The following KLHL7 variants were observed in gnomAD, a reference collection of about 807,000 sequenced individuals.
KLHL7 encodes kelch-like protein 7.
Under a neutral mutation model 67.4 loss-of-function variants are expected in KLHL7, and 44 were observed. That is an observed-to-expected ratio of 0.65 (90% CI 0.51 to 0.84). The LOEUF (loss-of-function observed/expected upper bound fraction) is 0.84. Among genes scored for constraint, KLHL7 ranks in the 40% least tolerant of loss-of-function variants. The probability of loss-of-function intolerance (pLI) is 0.00; values close to 1 mark genes in which losing one functional copy is unlikely to be tolerated. For synonymous variants in KLHL7, 252 were observed against 243.3 expected (o/e 1.04, Z -0.33); for missense variants, 362 against 718.1 (o/e 0.50, Z 5.67).
At chr7:23,133,112 T>G (rs1221989252) in intron 4 of KLHL7, among the ~76,000 whole-genome samples, 1 of 152,178 alleles carries the variant, frequency 6.6e-6, no homozygotes, top group African/African-American at 2.4e-5. Flanking sequence ...TAGGGTAGCT[T>G]TGGCTATTCT....
chr7:23,119,499 C>T (rs1380820122), intron 1 of KLHL7, among the ~76,000 whole-genome samples: 1 of 152,150 alleles, frequency 6.6e-6, no homozygotes, highest in African/African-American at 2.4e-5. Flanking sequence ...TGTGCCCAGC[C>T]CCCAATATTG....
chr7:23,139,016 G>C (rs1267009622), intron 4 of KLHL7, among the ~76,000 whole-genome samples: 1 of 151,562 alleles, frequency 6.6e-6, no homozygotes, highest in Non-Finnish European at 1.5e-5. Flanking sequence ...AAGAAAGTGT[G>C]GGCTTGTATA....
intron 1 of KLHL7, among the ~76,000 whole-genome samples, chr7:23,120,746 A>G (rs1359494021): frequency 6.6e-6 from 1 of 152,006 alleles, no homozygotes; most frequent in African/African-American, 2.4e-5. Context: ...TTTTATTTTT[A>G]GTAGAGTCAG....
chr7:23,125,720 A>G, intron 4 of KLHL7: 2 of 1,456,702 alleles, frequency 1.4e-6, no homozygotes, highest in Non-Finnish European at 1.8e-6. Context: ...TGCTATAGCC[A>G]TTTTGAAGCT....
intron 9 of KLHL7, among the ~76,000 whole-genome samples, chr7:23,172,494 T>C (rs1436882929): frequency 6.6e-6 from 1 of 152,358 alleles, no homozygotes; most frequent in Middle Eastern, 3.4e-3. Context: ...AGGCCCATTA[T>C]AAGTTTGTGT....
intron 7 of KLHL7, among the ~76,000 whole-genome samples, chr7:23,159,010 G>C (rs975820735): frequency 6.6e-6 from 1 of 152,098 alleles, no homozygotes; most frequent in Non-Finnish European, 1.5e-5. Context: ...AATGCATCTT[G>C]ACTTGGTGAG....
chr7:23,160,742 T>G (rs559067819), intron 7 of KLHL7, among the ~76,000 whole-genome samples: 2 of 152,370 alleles, frequency 1.3e-5, no homozygotes, highest in East Asian at 3.9e-4. Context: ...CTAAATTTCT[T>G]TCTGGACTTA....
intron 5 of KLHL7, among the ~76,000 whole-genome samples, chr7:23,143,594 T>G (rs945785175): frequency 1.3e-5 from 2 of 151,944 alleles, no homozygotes; most frequent in Non-Finnish European, 2.9e-5. Flanking sequence ...ATCTTTTTTT[T>G]AATCATAAAT....
chr7:23,173,296 C>T (rs989280517), intron 10 of KLHL7, among the ~76,000 whole-genome samples: 3 of 152,122 alleles, frequency 2.0e-5, no homozygotes, highest in African/African-American at 7.2e-5. Context: ...TTCCCAGATA[C>T]CTCCTGGGGA....
chr7:23,111,574 A>G (rs1448601754), intron 1 of KLHL7, among the ~76,000 whole-genome samples: 1 of 152,182 alleles, frequency 6.6e-6, no homozygotes, highest in Non-Finnish European at 1.5e-5. Flanking sequence ...TAATCCCAGC[A>G]CTTTGGGAGG....
chr7:23,132,482 A>G (rs1486512152), intron 4 of KLHL7, among the ~76,000 whole-genome samples: 4 of 151,954 alleles, frequency 2.6e-5, no homozygotes, highest in Non-Finnish European at 5.9e-5. Context: ...TCTTTTGCCC[A>G]TTTTTTCATT....
At chr7:23,129,604 A>G (rs578077219) in intron 4 of KLHL7, 1 of 194,116 alleles carries the variant, frequency 5.2e-6, no homozygotes, top group South Asian at 9.3e-5. Context: ...ACCGTCCCCA[A>G]ACTGTGGGTA....
intron 1 of KLHL7, among the ~76,000 whole-genome samples, chr7:23,109,742 TAAG>T (rs1314541306): frequency 6.6e-6 from 1 of 152,260 alleles, no homozygotes; most frequent in African/African-American, 2.4e-5. Context: ...TTGATATTAA[TAAG>T]ACTTCTTGAG....
intron 1 of KLHL7, among the ~76,000 whole-genome samples, chr7:23,108,240 A>G (rs1198776960): frequency 2.6e-5 from 4 of 152,132 alleles, no homozygotes; most frequent in Non-Finnish European, 5.9e-5. Flanking sequence ...CTGCTCTCTC[A>G]TTATTTCATT....
chr7:23,166,349 T>C (rs1785004778), intron 8 of KLHL7, among the ~76,000 whole-genome samples: 1 of 152,198 alleles, frequency 6.6e-6, no homozygotes, highest in African/African-American at 2.4e-5. Flanking sequence ...AAAAGAATGC[T>C]CTTTTTCATT....
At chr7:23,138,073 G>A (rs953835647) in intron 4 of KLHL7, among the ~76,000 whole-genome samples, 1 of 151,904 alleles carries the variant, frequency 6.6e-6, no homozygotes, top group Non-Finnish European at 1.5e-5. Flanking sequence ...CTACTCAGGA[G>A]GCTGAGGCAG....
intron 1 of KLHL7, chr7:23,106,504 T>C (rs1278569951): frequency 1.7e-6 from 2 of 1,149,686 alleles, no homozygotes; most frequent in Middle Eastern, 8.0e-4. Flanking sequence ...CGTGAGATCT[T>C]GTGTGAAGAA....
chr7:23,156,596 C>T (rs80057629), intron 7 of KLHL7, among the ~76,000 whole-genome samples: 223 of 152,234 alleles, frequency 1.5e-3, no homozygotes, highest in African/African-American at 4.9e-3. Flanking sequence ...GGTGGAGAAA[C>T]GGGAGACTAT....
At chr7:23,128,422 TAAAA>T (rs201757686) in intron 4 of KLHL7, among the ~76,000 whole-genome samples, 150 of 116,892 alleles carry the variant, frequency 1.3e-3, no homozygotes, top group South Asian at 0.012. Context: ...TCTTTGGGTT[TAAAA>T]AAAAAAAAAA....
Sources: allele counts gnomAD v4.1 joint callset (sites outside exome capture counted in the v4.1 genomes callset), GRCh38; gene constraint gnomAD v4.1.1; transcripts MANE v1.5; gene names NCBI Gene and HGNC (gene_info 2026-07-23, HGNC 2026-07-21).